Variants in CD99 observed in about 807,000 individuals in gnomAD.
CD99 encodes CD99 molecule (Xg blood group).
Under a neutral mutation model 28.4 loss-of-function variants are expected in CD99, and 19 were observed. That is an observed-to-expected ratio of 0.67 (90% CI 0.47 to 0.98). The LOEUF is 0.98. Among genes scored for constraint, CD99 ranks in the 50% least tolerant of loss-of-function variants. The pLI, the probability that CD99 is intolerant of heterozygous loss-of-function variation, is 0.00. For missense variants in CD99, 283 were observed against 248.8 expected (o/e 1.14, Z -0.92); for synonymous variants, 103 against 92.1 (o/e 1.12, Z -0.67).
chrX:2,711,411 A>G (rs886999267), intron 1 of CD99, among the ~76,000 whole-genome samples: 27 of 144,988 alleles, frequency 1.9e-4, no homozygotes, highest in African/African-American at 5.6e-4. Context: ...ATGTGTGTGT[A>G]TTATATATAT....
In CD99 at chrX:2,711,840, G is replaced by A. The variant is rs1408616942; in HGVS notation, c.68-2582G>A. Among the ~76,000 whole-genome samples the A allele has an allele frequency of 2.6e-5, 4 of 152,222 alleles. No individual in the cohort carries two copies. In the South Asian group the frequency reaches 8.3e-4, roughly 32 times the overall value. ...GGATCACCTGAGGTCAGGAGTTCAA[G>A]ACCAGCCTGGCCAACATGGTGAAAC... On this transcript the variant is annotated intron_variant, in intron 1 of 9. Coordinates refer to ENST00000381192, the MANE Select transcript of CD99 (RefSeq NM_002414.5).
At chrX:2,715,968 G>C (rs1318835656) in intron 2 of CD99, among the ~76,000 whole-genome samples, 1 of 151,918 alleles carries the variant, frequency 6.6e-6, no homozygotes, top group African/African-American at 2.4e-5. Context: ...GGTTTGGGGT[G>C]GGTGTGGATC....
At chrX:2,704,647 C>T (rs2048033839) in intron 1 of CD99, among the ~76,000 whole-genome samples, 1 of 151,974 alleles carries the variant, frequency 6.6e-6, no homozygotes, top group African/African-American at 2.4e-5. Flanking sequence ...TGGTCTCGAA[C>T]CCCTGACCTC....
At position 2,692,013 on chromosome X, in the gene CD99, A is replaced by G. The variant is rs921837141; in HGVS notation, c.67+586A>G. 4.3e-5 allele frequency: 31 copies of G among 713,280 alleles called. No individual in the cohort carries two copies. The Admixed American group carries it at 4.9e-4, about 11-fold the overall frequency. The allele number at this position is 713,280 out of a possible 1,614,324, so 44.2% of individuals were successfully genotyped here. On this transcript the variant is annotated intron_variant, in intron 1 of 9. Transcript: ENST00000381192. ...GAATTTCAGCGCGTGCTGTGCGCCAAGCAACACGGGGCGCAGAAAGAAACG... is the reference window on the plus strand; with the variant it reads ...GAATTTCAGCGCGTGCTGTGCGCCAGGCAACACGGGGCGCAGAAAGAAACG...
At chrX:2,713,394 A>G (rs2048534843) in intron 1 of CD99, among the ~76,000 whole-genome samples, 2 of 126,468 alleles carry the variant, frequency 1.6e-5, no homozygotes, top group Non-Finnish European at 3.2e-5. Flanking sequence ...CACATACACA[A>G]ACCCACACAT....
At chrX:2,737,108 G>A (rs1271826796) in intron 8 of CD99, among the ~76,000 whole-genome samples, 1 of 152,056 alleles carries the variant, frequency 6.6e-6, no homozygotes, top group Non-Finnish European at 1.5e-5. Context: ...GGTGGGTAAA[G>A]GAAGAAAGTC....
chrX:2,691,511 G>T, intron 1 of CD99, 84 bp downstream of exon 1: 1 of 1,430,702 alleles, frequency 7.0e-7, no homozygotes, highest in Non-Finnish European at 9.5e-7. Flanking sequence ...GGCGTTGGGG[G>T]CGCCCCGCGG....
intron 1 of CD99, among the ~76,000 whole-genome samples, chrX:2,709,305 C>T (rs906856376): frequency 6.9e-5 from 9 of 131,098 alleles, no homozygotes; most frequent in African/African-American, 2.0e-4. Flanking sequence ...AACACACAAG[C>T]ACATGCACAT....
At chrX:2,705,205 A>C (rs2048060283) in intron 1 of CD99, among the ~76,000 whole-genome samples, 1 of 152,198 alleles carries the variant, frequency 6.6e-6, no homozygotes, top group African/African-American at 2.4e-5. Context: ...TTAAATCTAA[A>C]GTGTAGGATG....
At chrX:2,719,636 T>C in intron 3 of CD99, 25 bp from the exon 4 acceptor site, 1 of 1,611,510 alleles carries the variant, frequency 6.2e-7, no homozygotes, top group Non-Finnish European at 8.5e-7. Flanking sequence ...GAATTTGGTA[T>C]TAACTGCTCT....
intron 2 of CD99, among the ~76,000 whole-genome samples, chrX:2,717,092 A>G (rs998002831): frequency 4.2e-4 from 64 of 152,116 alleles, no homozygotes; most frequent in Non-Finnish European, 7.9e-4. Flanking sequence ...CAAGCCTGTC[A>G]TCCCAGCACT....
intron 2 of CD99, among the ~76,000 whole-genome samples, chrX:2,716,043 G>C (rs1185037025): frequency 2.0e-5 from 3 of 148,384 alleles, no homozygotes; most frequent in African/African-American, 5.0e-5. Context: ...TTCCGAGATG[G>C]AGTCTCTCTC....
chrX:2,738,430 G>A (rs1334519064), intron 9 of CD99, 174 bp downstream of exon 9: 1 of 172,078 alleles, frequency 5.8e-6, no homozygotes, highest in Non-Finnish European at 1.2e-5. Context: ...GACAATGAAT[G>A]TGTAAACTTC....
Position 2,726,314 on chromosome X carries a change from C to T in CD99, c.416C>T (p.Ala139Val). The change falls in exon 8 of 10, where the codon GCT (alanine) becomes GTT (valine). Residue 139 changes from alanine (A) to valine (V), a missense_variant. By Grantham distance (64) the Ala-to-Val change is moderately conservative. Coordinates refer to ENST00000381192, the MANE Select transcript of CD99 (RefSeq NM_002414.5). ...GIVGAVVVAV[A>V]GAISSFIAYQ... is the part of the protein sequence containing the mutation. ...GTGGGGGCTGTCGTGGTCGCCGTGG[C>T]TGGAGCCATCTCTAGCTTCATTGCT... 6.2e-7 allele frequency: 1 copy of T among 1,612,212 alleles called. No homozygotes were observed. The highest frequency in any genetic ancestry group is 8.5e-7 in the Non-Finnish European group (1 of 1,179,732).
intron 9 of CD99, 126 bp downstream of exon 9, chrX:2,738,382 CCTTT>C (rs1428876500): frequency 1.1e-6 from 1 of 870,124 alleles, no homozygotes; most frequent in Non-Finnish European, 1.9e-6. Flanking sequence ...TGAATGTCTT[CCTTT>C]ATGTCTCGTT....
At position 2,699,736 on chromosome X, in the gene CD99, C is replaced by T. The variant is rs751004487; in HGVS notation, c.67+8309C>T. On this transcript the variant is annotated intron_variant, in intron 1 of 9. Transcript: ENST00000381192. ...CCTGGCAAAGTCTTGGGTTTATAGG[C>T]GGGAGCCACTGCATCCCGCTATTAG... 2.1e-4 allele frequency among the ~76,000 whole-genome samples: 32 copies of T among 152,228 alleles called. No homozygotes were observed. In the South Asian group the frequency reaches 3.3e-3, roughly 16 times the overall value.
chrX:2,695,637 CTTTTTT>C (rs773294263), intron 1 of CD99, among the ~76,000 whole-genome samples: 1 of 141,584 alleles, frequency 7.1e-6, no homozygotes, highest in South Asian at 2.3e-4. Context: ...AAAAAAAAGT[CTTTTTT>C]TTTTTTTTGA....
At chrX:2,732,701 C>T (rs1398378755) in intron 8 of CD99, among the ~76,000 whole-genome samples, 1 of 134,610 alleles carries the variant, frequency 7.4e-6, no homozygotes. Flanking sequence ...TTCTTATGTA[C>T]CTCTTTCTTT....
chrX:2,723,975 A>AAAG (rs941228123), intron 7 of CD99, among the ~76,000 whole-genome samples: 235 of 139,822 alleles, frequency 1.7e-3, no homozygotes, highest in Non-Finnish European at 1.6e-3. Flanking sequence ...GGAGGGAAGG[A>AAAG]AAGAAGGAAG....
Sources: gnomAD v4.1 joint callset for allele counts (sites outside exome capture counted in the v4.1 genomes callset) on GRCh38, gnomAD v4.1.1 for gene constraint, MANE v1.5 for transcripts, NCBI Gene and HGNC (gene_info 2026-07-23, HGNC 2026-07-21) for gene names.